Variants in RMP64 observed in about 807,000 individuals in gnomAD.
RMP64 encodes ribonuclease MRP subunit p64.
chr3:113,015,369 G>A, the RMP64 span, among the ~76,000 whole-genome samples: 1 of 152,190 alleles, frequency 6.6e-6, no homozygotes, highest in South Asian at 2.1e-4. Flanking sequence ...ATCAATGGCA[G>A]GTGGTGTTAA....
chr3:113,008,505 A>G, the RMP64 span: 10 of 1,272,996 alleles, frequency 7.9e-6, no homozygotes, highest in Non-Finnish European at 1.1e-5. Context: ...AAGGAAAGCT[A>G]GCTCACAATC....
At chr3:113,011,432 A>AT in the RMP64 span, 1 of 1,530,600 alleles carries the variant, frequency 6.5e-7, no homozygotes, top group Non-Finnish European at 8.8e-7. Context: ...GGAGCTCATT[A>AT]ATTAGCCAGT....
the RMP64 span, chr3:113,005,742 A>C: frequency 1.9e-6 from 3 of 1,613,960 alleles, no homozygotes; most frequent in South Asian, 3.3e-5. Context: ...CTGTTAGGGT[A>C]GAGATCAGTT....
the RMP64 span, chr3:113,004,551 T>A: frequency 6.6e-6 from 1 of 152,208 alleles, no homozygotes; most frequent in Non-Finnish European, 1.5e-5. Flanking sequence ...TTTAAATCTC[T>A]ATGTAACAAA....
chr3:113,015,561 C>CATGT, the RMP64 span, among the ~76,000 whole-genome samples: 2 of 150,722 alleles, frequency 1.3e-5, no homozygotes, highest in Admixed American at 1.3e-4. Flanking sequence ...GCATGCCCTA[C>CATGT]ATGTACTCCA....
At chr3:113,005,456 C>T in the RMP64 span, 2 of 892,780 alleles carry the variant, frequency 2.2e-6, no homozygotes, top group South Asian at 3.1e-5. Context: ...CCAGGTGGTA[C>T]TTCCAGATCT....
At chr3:113,013,413 A>G in the RMP64 span, 1 of 1,583,844 alleles carries the variant, frequency 6.3e-7, no homozygotes, top group East Asian at 2.2e-5. Flanking sequence ...ACTTGAAAAA[A>G]ATAGAAAAAG....
At chr3:113,014,702 T>C in the RMP64 span, 1 of 152,186 alleles carries the variant, frequency 6.6e-6, no homozygotes, top group Non-Finnish European at 1.5e-5. Context: ...TAGAAAATTA[T>C]TAACTACTAA....
the RMP64 span, among the ~76,000 whole-genome samples, chr3:113,015,634 T>C: frequency 6.0e-5 from 9 of 150,664 alleles, no homozygotes; most frequent in African/African-American, 2.2e-4. Flanking sequence ...GACAGGCCAA[T>C]TCTAGTACTT....
chr3:113,015,814 T>G, the RMP64 span, among the ~76,000 whole-genome samples: 1 of 149,038 alleles, frequency 6.7e-6, no homozygotes, highest in Non-Finnish European at 1.5e-5. Flanking sequence ...ACAGACTATA[T>G]TAAATGCTAT....
chr3:113,006,026 AAAATCTGGGCTTAAG>A, the RMP64 span: 215 of 1,537,830 alleles, frequency 1.4e-4, no homozygotes, highest in Non-Finnish European at 1.8e-4. Flanking sequence ...AGAGAGAGGA[AAAATCTGGGCTTAAG>A]ATGAGAAAAA....
At chr3:113,011,225 C>T in the RMP64 span, 8 of 1,612,756 alleles carry the variant, frequency 5.0e-6, no homozygotes, top group Non-Finnish European at 5.9e-6. Context: ...GCTGCAAAAG[C>T]TATAGGCATT....
the RMP64 span, chr3:113,004,778 C>A: frequency 6.6e-6 from 1 of 152,322 alleles, no homozygotes; most frequent in South Asian, 2.1e-4. Flanking sequence ...ATCTCCTAAC[C>A]TCATTTTTTC....
chr3:113,016,125 G>A, the RMP64 span, among the ~76,000 whole-genome samples: 1 of 152,072 alleles, frequency 6.6e-6, no homozygotes, highest in Admixed American at 6.6e-5. Context: ...GAACGCAAGA[G>A]AGAAGCCCGA....
At chr3:113,012,648 G>A in the RMP64 span, 1 of 804,972 alleles carries the variant, frequency 1.2e-6, no homozygotes, top group Admixed American at 2.1e-5. Context: ...AACCCCATAA[G>A]AAAATAAGTT....
At chr3:113,011,337 C>T in the RMP64 span, 1 of 1,612,068 alleles carries the variant, frequency 6.2e-7, no homozygotes, top group Non-Finnish European at 8.5e-7. Flanking sequence ...TCCTAGCGAC[C>T]TCTTGAAGCA....
the RMP64 span, among the ~76,000 whole-genome samples, chr3:113,006,646 G>GT: frequency 1.3e-5 from 2 of 152,170 alleles, no homozygotes; most frequent in Non-Finnish European, 2.9e-5. Flanking sequence ...TTGCTGAATT[G>GT]TTTCACTGTT....
chr3:113,017,530 G>C, the RMP64 span: 1 of 1,614,062 alleles, frequency 6.2e-7, no homozygotes, highest in African/African-American at 1.3e-5. Context: ...ATCTGTTTCT[G>C]CATCTAAGGT....
At chr3:113,013,334 C>T in the RMP64 span, 1 of 1,614,026 alleles carries the variant, frequency 6.2e-7, no homozygotes, top group Non-Finnish European at 8.5e-7. Context: ...CCAAAACCTT[C>T]ATCAACACCA....
Sources: gnomAD v4.1 joint callset for allele counts (sites outside exome capture counted in the v4.1 genomes callset) on GRCh38, gnomAD v4.1.1 for gene constraint, MANE v1.5 for transcripts, NCBI Gene and HGNC (gene_info 2026-07-23, HGNC 2026-07-21) for gene names.